The following CCSER1 variants were observed in gnomAD, a reference collection of about 807,000 sequenced individuals.
CCSER1 encodes the protein serine-rich coiled-coil domain-containing protein 1.
CCSER1 carries 41 observed loss-of-function variants against 82.0 expected under a neutral mutation model. The observed-to-expected ratio is 0.50, with a 90% CI of 0.39 to 0.65. The LOEUF is 0.65. Ranked by LOEUF, CCSER1 falls within the 30% of genes least tolerant of loss-of-function variation. The pLI, the probability that CCSER1 is intolerant of heterozygous loss-of-function variation, is 0.00. For synonymous variants in CCSER1, 414 were observed against 383.9 expected (o/e 1.08, Z -0.92); for missense variants, 1,119 against 1,064.2 (o/e 1.05, Z -0.72).
intron 9 of CCSER1, among the ~76,000 whole-genome samples, chr4:91,014,996 G>GA (rs933862763): frequency 5.0e-5 from 6 of 120,456 alleles, no homozygotes; most frequent in Admixed American, 4.8e-4. Context: ...TTTTTTTAAG[G>GA]AAAAAATACA....
chr4:91,098,265 A>G (rs946727389), intron 10 of CCSER1, among the ~76,000 whole-genome samples: 2 of 152,182 alleles, frequency 1.3e-5, no homozygotes, highest in African/African-American at 2.4e-5. Context: ...CTTTTGAGGA[A>G]TTAAATATTT....
chr4:91,020,522 T>C (rs992695971), intron 9 of CCSER1, among the ~76,000 whole-genome samples: 4 of 151,520 alleles, frequency 2.6e-5, no homozygotes, highest in Admixed American at 6.6e-5. Flanking sequence ...ATTAGCCGGG[T>C]GTGGTGGCGG....
intron 7 of CCSER1, among the ~76,000 whole-genome samples, chr4:90,751,742 G>T (rs1236871961): frequency 6.6e-6 from 1 of 151,928 alleles, no homozygotes; most frequent in East Asian, 1.9e-4. Flanking sequence ...TATTATCATA[G>T]AATTCATTTT....
rs560878643 is a variant in CCSER1 at position 90,154,316 on chromosome 4, G to A, written c.-42+26485G>A. ...ATAGTTTGAAGTCAGGTAGCGTGAC[G>A]CCTCCAGCTTTGTTCTTTTGGCTTA... On this transcript the variant is annotated intron_variant, in intron 1 of 10. Transcript: ENST00000509176. Among the ~76,000 whole-genome samples, 30 of 152,298 alleles carry A rather than the reference G, an allele frequency of 2.0e-4. No homozygotes were observed. The East Asian group carries it at 3.5e-3, about 18-fold the overall frequency.
intron 3 of CCSER1, among the ~76,000 whole-genome samples, chr4:90,393,202 T>C (rs1751461353): frequency 6.6e-6 from 1 of 152,218 alleles, no homozygotes; most frequent in South Asian, 2.1e-4. Context: ...TTAGTTTATC[T>C]CTTTTTTTCC....
chr4:90,442,333 A>G (rs1760004293), intron 4 of CCSER1, among the ~76,000 whole-genome samples: 1 of 152,174 alleles, frequency 6.6e-6, no homozygotes, highest in Admixed American at 6.6e-5. Context: ...GCACTAATCC[A>G]TGGCAATCAA....
chr4:91,288,421 A>C (rs1275421913), intron 10 of CCSER1, among the ~76,000 whole-genome samples: 1 of 151,894 alleles, frequency 6.6e-6, no homozygotes, highest in Non-Finnish European at 1.5e-5. Flanking sequence ...CAGAACATAG[A>C]ATTTTGCAAA....
At chr4:90,780,895 A>G in intron 7 of CCSER1, 1 of 672,318 alleles carries the variant, frequency 1.5e-6, no homozygotes, top group Non-Finnish European at 1.8e-6. Flanking sequence ...TTATAAGAAA[A>G]GGGGTATAAT....
At chr4:90,996,523 T>A (rs182734362) in intron 9 of CCSER1, among the ~76,000 whole-genome samples, 1 of 152,236 alleles carries the variant, frequency 6.6e-6, no homozygotes, top group African/African-American at 2.4e-5. Flanking sequence ...GCAGTGTGAT[T>A]ATTTTGTATT....
chr4:91,325,049 A>G (rs1746456224), intron 10 of CCSER1: 1 of 396,128 alleles, frequency 2.5e-6, no homozygotes, highest in African/African-American at 2.1e-5. Flanking sequence ...AGGCCATCGG[A>G]CCTGTGGGGC....
intron 1 of CCSER1, among the ~76,000 whole-genome samples, chr4:90,190,350 G>T (rs1232005549): frequency 2.0e-5 from 3 of 152,078 alleles, no homozygotes; most frequent in African/African-American, 4.8e-5. Context: ...GTACATTGTT[G>T]TTTTAAGAAC....
At chr4:91,365,370 T>C (rs1036519817) in intron 10 of CCSER1, among the ~76,000 whole-genome samples, 4 of 152,190 alleles carry the variant, frequency 2.6e-5, no homozygotes, top group Non-Finnish European at 5.9e-5. Flanking sequence ...CGTTTTTGAT[T>C]CTCTATCTGG....
intron 1 of CCSER1, among the ~76,000 whole-genome samples, chr4:90,142,960 C>G (rs1560681077): frequency 6.6e-6 from 1 of 152,068 alleles, no homozygotes; most frequent in African/African-American, 2.4e-5. Flanking sequence ...ATTGCAATAG[C>G]AGGAGTTCGG....
intron 10 of CCSER1, among the ~76,000 whole-genome samples, chr4:91,500,155 A>G (rs1006273077): frequency 1.6e-4 from 25 of 151,892 alleles, no homozygotes; most frequent in African/African-American, 4.8e-4. Context: ...GGCGTTTTGG[A>G]TTTGGCCACT....
At chr4:90,486,907 G>A (rs1767183543) in intron 5 of CCSER1, among the ~76,000 whole-genome samples, 1 of 152,106 alleles carries the variant, frequency 6.6e-6, no homozygotes, top group South Asian at 2.1e-4. Context: ...ATAAATGTCT[G>A]TCTTTCTCTC....
chr4:90,748,784 C>G (rs1748008960), intron 7 of CCSER1, among the ~76,000 whole-genome samples: 1 of 149,950 alleles, frequency 6.7e-6, no homozygotes, highest in Non-Finnish European at 1.5e-5. Flanking sequence ...TCTCTGATGG[C>G]CAGTGATGAT....
intron 1 of CCSER1, among the ~76,000 whole-genome samples, chr4:90,204,490 A>T (rs576600764): frequency 6.6e-6 from 1 of 152,324 alleles, no homozygotes; most frequent in East Asian, 1.9e-4. Flanking sequence ...TTTGTCAAAG[A>T]TCAGATGGCT....
chr4:90,310,218 T>C (rs902947856), intron 2 of CCSER1, among the ~76,000 whole-genome samples: 8 of 152,106 alleles, frequency 5.3e-5, no homozygotes, highest in Non-Finnish European at 1.2e-4. Context: ...TGACATTAAC[T>C]AACTGTGCAA....
At chr4:90,316,831 A>T (rs1481458809) in intron 3 of CCSER1, among the ~76,000 whole-genome samples, 1 of 152,184 alleles carries the variant, frequency 6.6e-6, no homozygotes, top group Non-Finnish European at 1.5e-5. Context: ...AAAGGACAGG[A>T]TGTATGAACT....
Sources: gnomAD v4.1 joint callset for allele counts (sites outside exome capture counted in the v4.1 genomes callset) on GRCh38, gnomAD v4.1.1 for gene constraint, MANE v1.5 for transcripts, NCBI Gene and HGNC (gene_info 2026-07-23, HGNC 2026-07-21) for gene names.